Variants in WNK3 observed in about 807,000 individuals in gnomAD.
WNK3 encodes the protein serine/threonine-protein kinase WNK3.
Under a neutral mutation model 116.7 loss-of-function variants are expected in WNK3, and 18 were observed. That is an observed-to-expected ratio of 0.15 (90% CI 0.11 to 0.23). The LOEUF is 0.23. Among genes scored for constraint, WNK3 ranks in the 10% least tolerant of loss-of-function variants. WNK3 has a pLI of 1.00. For synonymous variants in WNK3, 404 were observed against 469.4 expected (o/e 0.86, Z 1.80); for missense variants, 993 against 1,323.8 (o/e 0.75, Z 3.88).
intron 23 of WNK3, among the ~76,000 whole-genome samples, chrX:54,200,259 C>T (rs1461542197): frequency 9.0e-6 from 1 of 111,701 alleles, no homozygotes; most frequent in African/African-American, 3.3e-5. Context: ...GCATAAATTC[C>T]ATGAGGATAG....
chrX:54,235,444 G>A (rs1383306082), intron 20 of WNK3, among the ~76,000 whole-genome samples: 1 of 111,350 alleles, frequency 9.0e-6, no homozygotes, highest in Non-Finnish European at 1.9e-5. Flanking sequence ...GCGCCACCAC[G>A]TCTGGCTAAT....
At chrX:54,281,761 A>C (rs2147068636) in intron 10 of WNK3, among the ~76,000 whole-genome samples, 1 of 111,282 alleles carries the variant, frequency 9.0e-6, no homozygotes, top group African/African-American at 3.3e-5. Flanking sequence ...CTTCTTTTTT[A>C]GTGGCTGATT....
At chrX:54,231,484 C>T (rs1557148900) in intron 21 of WNK3, among the ~76,000 whole-genome samples, 1 of 111,997 alleles carries the variant, frequency 8.9e-6, no homozygotes, top group East Asian at 2.8e-4. Flanking sequence ...TGTTCCCTGG[C>T]CTTTCCAGCT....
intron 10 of WNK3, among the ~76,000 whole-genome samples, chrX:54,260,233 C>G (rs1557156428): frequency 8.9e-6 from 1 of 112,217 alleles, no homozygotes; most frequent in Admixed American, 9.5e-5. Context: ...TTTTTTCCTG[C>G]ATAAATTAGA....
At chrX:54,224,363 A>T (rs1490327046) in intron 22 of WNK3, among the ~76,000 whole-genome samples, 1 of 109,364 alleles carries the variant, frequency 9.1e-6, no homozygotes, top group African/African-American at 3.3e-5. Flanking sequence ...AAAAAAAAAA[A>T]AAAACACCTT....
At chrX:54,213,553 C>CAAAAAAAAA (rs782580375) in intron 22 of WNK3, among the ~76,000 whole-genome samples, 8 of 14,265 alleles carry the variant, frequency 5.6e-4, no homozygotes, top group Non-Finnish European at 8.9e-4. Flanking sequence ...GACTCCGTCT[C>CAAAAAAAAA]AAAAAAAAAA....
rs1603382133 is a variant in WNK3, at chrX:54,251,662, C to G, written c.2393G>C (p.Ser798Thr). 8.3e-7 allele frequency: 1 copy of G among 1,211,030 alleles called. No homozygotes were observed. Among genetic ancestry groups the G allele is most frequent in the Non-Finnish European group, 1.1e-6 (1 of 895,219 alleles). Residue 798 changes from serine (S) to threonine (T), a missense_variant, in exon 14 of 24, where the codon AGT becomes ACT. Physicochemically the swap from Ser to Thr is moderately conservative, Grantham distance 58. This residue lies in a region of WNK3 where 836 missense variants were observed against 976.5 expected (regional missense o/e 0.86). Transcript: ENST00000354646. The stretch of plus-strand genomic sequence containing the variant: ...TTCTTCTACAAATTTTTCTTTCTCA[C>G]TTTCCAGCACAAAGTTATCTTCAAC...
chrX:54,358,315 GCT>G (rs1569539954), upstream of WNK3, among the ~76,000 whole-genome samples: 1 of 108,384 alleles, frequency 9.2e-6, no homozygotes, highest in African/African-American at 3.3e-5. Flanking sequence ...GTTCCGAAGC[GCT>G]CTCGCTCTCT....
chrX:54,205,638 T>A (rs1316043924), intron 22 of WNK3, among the ~76,000 whole-genome samples: 1 of 111,860 alleles, frequency 8.9e-6, no homozygotes, highest in African/African-American at 3.2e-5. Flanking sequence ...CACAAAGTTA[T>A]GAAGAACAAT....
intron 11 of WNK3, among the ~76,000 whole-genome samples, 191 bp from the exon 12 acceptor site, chrX:54,256,078 A>G (rs2068189686): frequency 8.9e-6 from 1 of 112,001 alleles, no homozygotes; most frequent in Non-Finnish European, 1.9e-5. Context: ...TGAGTGAATT[A>G]TATGGTATGT....
chrX:54,217,190 C>T (rs1390033130), intron 22 of WNK3, among the ~76,000 whole-genome samples: 1 of 107,480 alleles, frequency 9.3e-6, no homozygotes. Flanking sequence ...TGGTCGTGGG[C>T]GCCTGTAGTC....
chrX:54,271,511 G>A (rs782612568), intron 10 of WNK3, among the ~76,000 whole-genome samples: 10 of 111,871 alleles, frequency 8.9e-5, no homozygotes, highest in Non-Finnish European at 1.9e-4. Context: ...ATCAAGAATA[G>A]AGAATATGTG....
intron 2 of WNK3, among the ~76,000 whole-genome samples, chrX:54,318,030 T>A (rs782653470): frequency 1.8e-5 from 2 of 110,197 alleles, no homozygotes; most frequent in Non-Finnish European, 3.8e-5. Context: ...ATGATGTAAA[T>A]ATACTTAATG....
chrX:54,271,085 G>A (rs1256524120), intron 10 of WNK3, among the ~76,000 whole-genome samples: 1 of 111,937 alleles, frequency 8.9e-6, no homozygotes, highest in Non-Finnish European at 1.9e-5. Flanking sequence ...AGCCTAAAAA[G>A]CTATTTTTAT....
At chrX:54,265,410 C>T (rs935732483) in intron 10 of WNK3, among the ~76,000 whole-genome samples, 18 of 111,027 alleles carry the variant, frequency 1.6e-4, no homozygotes, top group African/African-American at 5.9e-4. Flanking sequence ...TCGCTTGAAC[C>T]TGGGAGGCAG....
At chrX:54,313,638 C>A (rs1557170140) in intron 2 of WNK3, among the ~76,000 whole-genome samples, 1 of 110,394 alleles carries the variant, frequency 9.1e-6, no homozygotes, top group Non-Finnish European at 1.9e-5. Flanking sequence ...GCGTGAGCCA[C>A]CTCGCCTGGC....
exon 20 of WNK3, chrX:54,237,381 A>C (rs141655456): frequency 2.1e-5 from 25 of 1,207,218 alleles, no homozygotes; most frequent in Non-Finnish European, 2.7e-5. Context: ...ACTTCTCATA[A>C]GAAAACGAAG....
chrX:54,273,507 A>G (rs1397495844), intron 10 of WNK3, among the ~76,000 whole-genome samples: 1 of 111,809 alleles, frequency 8.9e-6, no homozygotes, highest in African/African-American at 3.3e-5. Context: ...GTGCCACTGC[A>G]CTCCAGCCTG....
intron 10 of WNK3, among the ~76,000 whole-genome samples, chrX:54,268,077 C>T (rs1364664956): frequency 3.8e-5 from 3 of 78,138 alleles, no homozygotes; most frequent in African/African-American, 1.0e-4. Flanking sequence ...TATCTGAATG[C>T]GTGCACACAC....
Sources: allele counts gnomAD v4.1 joint callset (sites outside exome capture counted in the v4.1 genomes callset), GRCh38; gene constraint gnomAD v4.1.1; regional missense constraint gnomAD v4.1.1; transcripts MANE v1.5; gene names NCBI Gene and HGNC (gene_info 2026-07-23, HGNC 2026-07-21).